Variants in WNK3 observed in about 807,000 individuals in gnomAD.
WNK3 encodes WNK lysine deficient protein kinase 3, also known as serine/threonine-protein kinase WNK3.
A neutral mutation model predicts 116.7 loss-of-function variants in WNK3; 18 were observed. That is an observed-to-expected ratio of 0.15 (90% CI 0.11 to 0.23). WNK3 has a LOEUF of 0.23. Among genes scored for constraint, WNK3 ranks in the 10% least tolerant of loss-of-function variants. The pLI is 1.00. For missense variants in WNK3, 993 were observed against 1,323.8 expected (o/e 0.75, Z 3.88); for synonymous variants, 404 against 469.4 (o/e 0.86, Z 1.80).
intron 5 of WNK3, among the ~76,000 whole-genome samples, chrX:54,306,131 T>A (rs2068822138): frequency 9.0e-6 from 1 of 111,517 alleles, no homozygotes; most frequent in Admixed American, 9.6e-5. Flanking sequence ...TTAGAATGAC[T>A]ATTATCGAAA....
chrX:54,235,692 T>C (rs1193299709), intron 20 of WNK3, among the ~76,000 whole-genome samples: 1 of 111,846 alleles, frequency 8.9e-6, no homozygotes, highest in East Asian at 2.8e-4. Context: ...ATAAGATATA[T>C]TCAAAAATTG....
chrX:54,238,289 CTGTT>C, intron 19 of WNK3, 49 bp downstream of exon 19: 1 of 1,162,061 alleles, frequency 8.6e-7, no homozygotes, highest in Non-Finnish European at 1.1e-6. Flanking sequence ...TCTCCACTGG[CTGTT>C]ATATTTTATA....
At chrX:54,218,214 T>C (rs1357713075) in intron 22 of WNK3, among the ~76,000 whole-genome samples, 1 of 111,286 alleles carries the variant, frequency 9.0e-6, no homozygotes, top group African/African-American at 3.3e-5. Context: ...ACATTTTGTA[T>C]ATATGTGCAT....
At chrX:54,295,850 G>A (rs2068693043) in intron 7 of WNK3, among the ~76,000 whole-genome samples, 1 of 110,617 alleles carries the variant, frequency 9.0e-6, no homozygotes, top group Admixed American at 9.7e-5. Flanking sequence ...ACCACACCTG[G>A]CTAATTTTTA....
At chrX:54,230,917 A>G (rs1279757545) in intron 21 of WNK3, among the ~76,000 whole-genome samples, 1 of 112,661 alleles carries the variant, frequency 8.9e-6, no homozygotes, top group African/African-American at 3.2e-5. Context: ...ACAGGTGGAC[A>G]CCTGACTGTA....
At chrX:54,280,287 ACT>A (rs1399237164) in intron 10 of WNK3, among the ~76,000 whole-genome samples, 2 of 106,884 alleles carry the variant, frequency 1.9e-5, no homozygotes, top group Non-Finnish European at 3.9e-5. Context: ...ACAGAGTAAG[ACT>A]CTGTCTCAAA....
intron 12 of WNK3, 53 bp downstream of exon 12, chrX:54,255,687 G>A (rs1803999415): frequency 9.0e-7 from 1 of 1,108,321 alleles, no homozygotes; most frequent in Non-Finnish European, 1.2e-6. Context: ...GCCCCTCTCT[G>A]ACCCTCCAGA....
At chrX:54,214,809 G>A (rs1452062946) in intron 22 of WNK3, among the ~76,000 whole-genome samples, 7 of 111,083 alleles carry the variant, frequency 6.3e-5, no homozygotes, top group African/African-American at 2.0e-4. Context: ...TCAGGAGATC[G>A]AGACCATCCT....
Position 54,228,727 on chromosome X carries a change from T to C in WNK3, c.4857A>G (p.Ile1619Met). 2.0e-6 allele frequency: 1 copy of C among 492,308 alleles called. No homozygotes were observed. Among genetic ancestry groups the C allele is most frequent in the Middle Eastern group, 3.3e-4 (1 of 3,006 alleles). The allele number at this position is 492,308 out of a possible 1,213,427, so 40.6% of individuals were successfully genotyped here. Reference sequence around the variant, plus strand: ...AGAAATACTTACTTTCCAACTCATTTATAAGGCAGCTTTTCCCTGATATCA... The same window carrying C: ...AGAAATACTTACTTTCCAACTCATTCATAAGGCAGCTTTTCCCTGATATCA... The change falls in exon 22 of 24, where the codon ATA becomes ATG. Residue 1619 changes from isoleucine to methionine, a missense_variant. Transcript: ENST00000354646.
At chrX:54,257,075 T>A (rs1316332359) in intron 11 of WNK3, among the ~76,000 whole-genome samples, 1 of 111,531 alleles carries the variant, frequency 9.0e-6, no homozygotes, top group African/African-American at 3.3e-5. Flanking sequence ...TGGGGACCCC[T>A]AGGACTTGAG....
At position 54,255,896 on chromosome X, in the gene WNK3, A is replaced by T. The variant is rs1455950627; in HGVS notation, c.2103-9T>A. On this transcript the variant is annotated splice_polypyrimidine_tract_variant and intron_variant, in intron 11 of 23. Coordinates refer to ENST00000354646, the Ensembl canonical transcript of WNK3. ...CCACATCTTGATTCAAGCTAGTAAT[A>T]TTTTTAAAAAAGTAACTCATTCCAG... is the stretch of plus-strand genomic sequence containing the variant. The T allele has an allele frequency of 8.4e-7, 1 of 1,189,999 alleles. No individual in the cohort carries two copies. The highest frequency in any genetic ancestry group is 1.1e-6 in the Non-Finnish European group (1 of 885,479).
At chrX:54,196,971 G>C (rs182331067) in exon 24 of WNK3, 9 of 111,849 alleles carry the variant, frequency 8.0e-5, no homozygotes, top group African/African-American at 2.9e-4. Flanking sequence ...TAATTAAAAA[G>C]AGCTAAGGAC....
intron 22 of WNK3, among the ~76,000 whole-genome samples, chrX:54,213,852 T>C (rs1009218489): frequency 3.6e-5 from 4 of 110,558 alleles, no homozygotes; most frequent in Non-Finnish European, 7.6e-5. Context: ...AACACAAAAA[T>C]TCAACAGCAT....
chrX:54,226,393 C>T (rs1272941286), intron 22 of WNK3, among the ~76,000 whole-genome samples: 2 of 102,140 alleles, frequency 2.0e-5, no homozygotes, highest in African/African-American at 7.2e-5. Context: ...TCGCTTGAAC[C>T]TGGGAGGTGG....
At chrX:54,345,353 T>C (rs782770531) in intron 1 of WNK3, among the ~76,000 whole-genome samples, 7 of 111,015 alleles carry the variant, frequency 6.3e-5, no homozygotes, top group Non-Finnish European at 1.1e-4. Flanking sequence ...TCAAAATCCA[T>C]TTAATTTGGT....
intron 2 of WNK3, among the ~76,000 whole-genome samples, chrX:54,320,892 A>G (rs143455556): frequency 2.4e-4 from 26 of 108,161 alleles, no homozygotes; most frequent in African/African-American, 8.4e-4. Context: ...CTAATCCTCA[A>G]TGTTTTCTTT....
chrX:54,244,321 C>G (rs1398209943), intron 17 of WNK3, among the ~76,000 whole-genome samples: 1 of 111,509 alleles, frequency 9.0e-6, no homozygotes, highest in Non-Finnish European at 1.9e-5. Flanking sequence ...CAAAGGCATC[C>G]AGTAGCCCTT....
chrX:54,354,575 A>G (rs2069566786), intron 1 of WNK3, among the ~76,000 whole-genome samples: 2 of 111,158 alleles, frequency 1.8e-5, no homozygotes, highest in African/African-American at 6.5e-5. Flanking sequence ...GAGCCAACTC[A>G]TGCTGGGCTT....
At chrX:54,299,643 C>T (rs955093976) in intron 6 of WNK3, among the ~76,000 whole-genome samples, 2 of 108,555 alleles carry the variant, frequency 1.8e-5, no homozygotes, top group Non-Finnish European at 3.8e-5. Context: ...CCAGGATGGT[C>T]TCAATCTCTT....
Sources: allele counts gnomAD v4.1 joint callset (sites outside exome capture counted in the v4.1 genomes callset), GRCh38; gene constraint gnomAD v4.1.1; transcripts MANE v1.5; gene names NCBI Gene and HGNC (gene_info 2026-07-23, HGNC 2026-07-21).